The following CFDP1 variants were observed in gnomAD, a reference collection of about 807,000 sequenced individuals.
CFDP1 encodes the protein chromatin remodeling protein CFDP1, also known as heterochromatin-stabilizing protein CFDP1.
A neutral mutation model predicts 40.1 loss-of-function variants in CFDP1; 31 were observed. The ratio of observed to expected loss-of-function variants is 0.77; its 90% confidence interval spans 0.58 to 1.04. CFDP1 has a LOEUF of 1.04. Among genes scored for constraint, CFDP1 ranks in the 50% least tolerant of loss-of-function variants. CFDP1 has a pLI of 0.00. For missense variants in CFDP1, 423 were observed against 343.4 expected (o/e 1.23, Z -1.83); for synonymous variants, 167 against 120.0 (o/e 1.39, Z -2.56).
chr16:75,406,019 A>C (rs902616330), intron 4 of CFDP1, among the ~76,000 whole-genome samples: 2 of 150,922 alleles, frequency 1.3e-5, no homozygotes, highest in Non-Finnish European at 1.5e-5. Context: ...AAGCAGGAGG[A>C]TCACTTGAGG....
intron 5 of CFDP1, chr16:75,380,109 G>C (rs1422883661): frequency 1.3e-5 from 2 of 151,386 alleles, no homozygotes; most frequent in Non-Finnish European, 2.9e-5. Context: ...CTGCACTCCA[G>C]CCTGGGCAAC....
intron 1 of CFDP1, among the ~76,000 whole-genome samples, chr16:75,425,136 C>A (rs2079323230): frequency 6.6e-6 from 1 of 151,856 alleles, no homozygotes; most frequent in Admixed American, 6.6e-5. Flanking sequence ...GTTAAATTGT[C>A]AATTCTTCCC....
chr16:75,346,599 A>T (rs1448944280), intron 5 of CFDP1, among the ~76,000 whole-genome samples: 1 of 149,138 alleles, frequency 6.7e-6, no homozygotes, highest in Non-Finnish European at 1.5e-5. Context: ...AAAAAAAAAA[A>T]AAAAAAAAAA....
rs147180008 is a variant in CFDP1, at chr16:75,344,968, A to G, written c.651-39786T>C. On this transcript the variant is annotated intron_variant, in intron 5 of 6. Coordinates refer to ENST00000283882, the MANE Select transcript of CFDP1 (RefSeq NM_006324.3). ...AAGAAGAAAGAAAAAAAGAAAGAACATTTTCAGGCTGGGTAAAGTGGCTCG... is the reference window on the plus strand; with the variant it reads ...AAGAAGAAAGAAAAAAAGAAAGAACGTTTTCAGGCTGGGTAAAGTGGCTCG... 7.9e-5 allele frequency among the ~76,000 whole-genome samples: 12 copies of G among 152,062 alleles called. 1 individual carries two copies. Among genetic ancestry groups the G allele is most frequent in the African/African-American group, 2.9e-4 (12 of 41,480 alleles).
intron 5 of CFDP1, among the ~76,000 whole-genome samples, chr16:75,382,125 A>T (rs572948727): frequency 2.1e-5 from 3 of 142,694 alleles, no homozygotes; most frequent in Non-Finnish European, 3.0e-5. Context: ...TCAAAAAAGA[A>T]AAAAAAAAAA....
At chr16:75,295,204 A>G (rs1221673654) in intron 6 of CFDP1, among the ~76,000 whole-genome samples, 1 of 152,090 alleles carries the variant, frequency 6.6e-6, no homozygotes, top group Admixed American at 6.5e-5. Flanking sequence ...CCCTTCCAAC[A>G]GCATCCTAGG....
At chr16:75,360,724 T>C (rs1324759581) in intron 5 of CFDP1, among the ~76,000 whole-genome samples, 1 of 152,220 alleles carries the variant, frequency 6.6e-6, no homozygotes, top group Non-Finnish European at 1.5e-5. Flanking sequence ...ATTGTATTTA[T>C]ATTTTATCTC....
At chr16:75,410,905 T>C (rs1479553141) in intron 4 of CFDP1, among the ~76,000 whole-genome samples, 3 of 102,590 alleles carry the variant, frequency 2.9e-5, no homozygotes, top group African/African-American at 1.2e-4. Context: ...CAAGACTCTG[T>C]CTCAAAAAAA....
At chr16:75,411,115 G>T (rs1238856183) in intron 4 of CFDP1, among the ~76,000 whole-genome samples, 1 of 152,066 alleles carries the variant, frequency 6.6e-6, no homozygotes, top group African/African-American at 2.4e-5. Flanking sequence ...CTACTTGGGA[G>T]GCTGAGGAAG....
intron 4 of CFDP1, among the ~76,000 whole-genome samples, chr16:75,407,996 C>T (rs995530050): frequency 1.3e-5 from 2 of 151,900 alleles, no homozygotes; most frequent in African/African-American, 2.4e-5. Context: ...CCCACGCACT[C>T]GGCAGGCTGA....
At chr16:75,370,558 AAAT>A (rs545900601) in intron 5 of CFDP1, among the ~76,000 whole-genome samples, 2 of 151,984 alleles carry the variant, frequency 1.3e-5, no homozygotes, top group South Asian at 2.1e-4. Context: ...AAGTATAATA[AAAT>A]AATAATAATA....
At chr16:75,431,139 T>C (rs2151609260) in intron 1 of CFDP1, among the ~76,000 whole-genome samples, 1 of 152,078 alleles carries the variant, frequency 6.6e-6, no homozygotes, top group Non-Finnish European at 1.5e-5. Context: ...ATGATGTTTA[T>C]TCACACTGTC....
chr16:75,309,842 A>C (rs925221731), intron 5 of CFDP1, among the ~76,000 whole-genome samples: 2 of 151,038 alleles, frequency 1.3e-5, no homozygotes, highest in African/African-American at 4.9e-5. Flanking sequence ...AAAAAAAAAA[A>C]AAACCAATCC....
chr16:75,362,426 A>G (rs2151532583), intron 5 of CFDP1, among the ~76,000 whole-genome samples: 1 of 152,330 alleles, frequency 6.6e-6, no homozygotes, highest in Non-Finnish European at 1.5e-5. Flanking sequence ...AGGCATCCCT[A>G]TGTTCTGGGT....
chr16:75,296,618 G>A (rs1390408258), intron 6 of CFDP1, among the ~76,000 whole-genome samples: 5 of 152,236 alleles, frequency 3.3e-5, no homozygotes, highest in Non-Finnish European at 2.9e-5. Context: ...CCCAGAAGCT[G>A]TGTTGGGTCC....
At chr16:75,317,679 C>G (rs1013993537) in intron 5 of CFDP1, among the ~76,000 whole-genome samples, 4 of 152,132 alleles carry the variant, frequency 2.6e-5, no homozygotes, top group Non-Finnish European at 5.9e-5. Flanking sequence ...ACCATAATGA[C>G]AACTTTATGC....
chr16:75,329,344 A>G (rs2151514124), intron 5 of CFDP1, among the ~76,000 whole-genome samples: 1 of 152,354 alleles, frequency 6.6e-6, no homozygotes, highest in East Asian at 1.9e-4. Context: ...AAGAGTTTAA[A>G]GTGATTGCCC....
intron 5 of CFDP1, among the ~76,000 whole-genome samples, chr16:75,313,532 T>C (rs1481095528): frequency 2.0e-5 from 3 of 152,236 alleles, no homozygotes; most frequent in African/African-American, 7.2e-5. Flanking sequence ...TTTTGCCATG[T>C]TGGCCAGGCT....
At chr16:75,330,141 C>T (rs529479345) in intron 5 of CFDP1, among the ~76,000 whole-genome samples, 10 of 152,152 alleles carry the variant, frequency 6.6e-5, no homozygotes, top group African/African-American at 9.7e-5. Flanking sequence ...ACTGCTGTAG[C>T]GAAAGCTCCT....
Sources: gnomAD v4.1 joint callset for allele counts (sites outside exome capture counted in the v4.1 genomes callset) on GRCh38, gnomAD v4.1.1 for gene constraint, MANE v1.5 for transcripts, NCBI Gene and HGNC (gene_info 2026-07-23, HGNC 2026-07-21) for gene names.